The following BCKDK variants were observed in gnomAD, a reference collection of about 807,000 sequenced individuals.
BCKDK encodes the protein branched chain keto acid dehydrogenase kinase, also known as branched-chain alpha-ketoacid dehydrogenase kinase.
In BCKDK, 28 loss-of-function variants were observed where a neutral mutation model predicts 43.9. That is an observed-to-expected ratio of 0.64 (90% CI 0.47 to 0.87). The LOEUF (loss-of-function observed/expected upper bound fraction) is 0.87, where lower values mean the gene tolerates loss of function less well. Ranked by LOEUF, BCKDK falls within the 40% of genes least tolerant of loss-of-function variation. The probability of loss-of-function intolerance (pLI) is 0.00; values close to 1 mark genes in which losing one functional copy is unlikely to be tolerated. For synonymous variants in BCKDK, 257 were observed against 234.3 expected, an observed-to-expected ratio of 1.10 and a Z score of -0.88; for missense variants, 483 against 581.4, an observed-to-expected ratio of 0.83 and a Z score of 1.74.
At position 31,110,643 on chromosome 16, in the gene BCKDK, TGGGGCTAGGGGC is replaced by T. The variant is rs761806585; in HGVS notation, c.643-43_643-32del. 4.5e-5 allele frequency: 72 copies of T among 1,605,262 alleles called. No individual in the cohort carries two copies. The highest frequency in any genetic ancestry group is 3.9e-4 in the South Asian group (35 of 90,882). On this transcript the variant is annotated intron_variant, in intron 7 of 11. Coordinates refer to ENST00000219794, the MANE Select transcript of BCKDK (RefSeq NM_005881.4). This position sits in a 1 kb window ranked among gnomAD's most constrained non-coding sequence, Gnocchi z 5.4. The stretch of plus-strand genomic sequence containing the variant: ...TTCCGAAGTTGCCAGCATCTTGGGG[TGGGGCTAGGGGC>T]GTGGGTAGTCCTGACCTCCTTTCTC...
At chr16:31,115,105 T>C (rs577287876), downstream of BCKDK, among the ~76,000 whole-genome samples, 2 of 151,680 alleles carry the variant, frequency 1.3e-5, no homozygotes, top group African/African-American at 4.8e-5. Context: ...GTATTTTCAG[T>C]AGAGACGGGG....
In BCKDK at chr16:31,108,832, C is replaced by G. The variant is rs1469366378; in HGVS notation, c.-177-215C>G. On this transcript the variant is annotated intron_variant, in intron 1 of 11. Coordinates refer to ENST00000219794, the MANE Select transcript of BCKDK (RefSeq NM_005881.4). The surrounding 1 kb of genome is among the most constrained non-coding windows in gnomAD (Gnocchi z 6.2). The stretch of plus-strand genomic sequence containing the variant: ...TGGAAGGGTCTGAGGGGCTCCTCCC[C>G]CGACAGCCCTCCCACCGCCAGTAGA... 1 of 160,576 alleles carries G rather than the reference C, an allele frequency of 6.2e-6. No individual in the cohort carries two copies. Among genetic ancestry groups the G allele is most frequent in the Admixed American group, 6.4e-5 (1 of 15,736 alleles). The allele number at this position is 160,576 out of a possible 1,614,324, so 9.9% of individuals were successfully genotyped here.
chr16:31,110,189 A>T lies in BCKDK; in HGVS notation c.424-16A>T. The T allele has an allele frequency of 6.2e-7, 1 of 1,613,818 alleles. No homozygotes were observed. The highest frequency in any genetic ancestry group is 8.5e-7 in the Non-Finnish European group (1 of 1,179,934). On this transcript the variant is annotated splice_polypyrimidine_tract_variant and intron_variant, in intron 5 of 11. Transcript: ENST00000219794. The surrounding 1 kb of genome is among the most constrained non-coding windows in gnomAD (Gnocchi z 5.4). ...TGGGCTTGGACCACCCTTCCTCATG[A>T]CTCTGTGACCTGCAGATCAAGGACC... is the stretch of plus-strand genomic sequence containing the variant.
At chr16:31,116,287 A>T (rs2057445303), downstream of BCKDK, among the ~76,000 whole-genome samples, 1 of 147,054 alleles carries the variant, frequency 6.8e-6, no homozygotes, top group South Asian at 2.2e-4. Context: ...ATCTCGGCTC[A>T]CTGCAACCTC....
Position 31,109,738 on chromosome 16 carries a change from C to G in BCKDK, c.330C>G (p.Arg110=), listed in dbSNP as rs1173411124. The G allele has an allele frequency of 6.2e-7, 1 of 1,613,970 alleles. No individual in the cohort carries two copies. The highest frequency in any genetic ancestry group is 1.1e-5 in the South Asian group (1 of 91,092). The change falls in exon 4 of 12, where the codon CGC becomes CGG. Residue 110 remains arginine, a synonymous_variant. Coordinates refer to ENST00000219794, the MANE Select transcript of BCKDK (RefSeq NM_005881.4). This position sits in a 1 kb window ranked among gnomAD's most constrained non-coding sequence, Gnocchi z 5.3. Reference sequence around the variant, plus strand: ...TTGCTCACCGCATCAAGGGCTTCCGCTGCCTTCCTTTCATCATTGGCTGCA... The same window carrying G: ...TTGCTCACCGCATCAAGGGCTTCCGGTGCCTTCCTTTCATCATTGGCTGCA... The part of the protein sequence containing the change: ...VRIAHRIKGF[R]CLPFIIGCNP...
downstream of BCKDK, chr16:31,117,497 C>A: frequency 2.3e-6 from 1 of 440,210 alleles, no homozygotes; most frequent in Non-Finnish European, 3.9e-6. Context: ...AAACCAGGAG[C>A]TCCAAGACTG....
At chr16:31,114,642 T>C (rs753800209), downstream of BCKDK, among the ~76,000 whole-genome samples, 2 of 152,194 alleles carry the variant, frequency 1.3e-5, no homozygotes, top group Non-Finnish European at 2.9e-5. Context: ...CCAAAGGGAA[T>C]GTTTACTGAG....
chr16:31,114,277 C>T (rs979100459), downstream of BCKDK, among the ~76,000 whole-genome samples: 4 of 126,014 alleles, frequency 3.2e-5, no homozygotes, highest in African/African-American at 8.7e-5. Context: ...TCGCTCACTG[C>T]AACCTCCGCC....
chr16:31,115,855 G>C (rs942588923), downstream of BCKDK: 1 of 152,114 alleles, frequency 6.6e-6, no homozygotes, highest in African/African-American at 2.4e-5. Flanking sequence ...CCCGCTCTTC[G>C]TTCAATCTCC....
rs144100726 is a variant in BCKDK, at chr16:31,110,373, C to G, written c.544-28C>G. 2 of 1,613,956 alleles carry G rather than the reference C, an allele frequency of 1.2e-6. No homozygotes were observed. Among genetic ancestry groups the G allele is most frequent in the East Asian group, 4.5e-5 (2 of 44,876 alleles). Reference sequence around the variant, plus strand: ...GGGCCTGCTGGGGGTGGGAAGGGCACGGGATTCTGAGACCTCACTCTTTAC... The same window carrying G: ...GGGCCTGCTGGGGGTGGGAAGGGCAGGGGATTCTGAGACCTCACTCTTTAC... On this transcript the variant is annotated intron_variant, in intron 6 of 11. Transcript: ENST00000219794. This position sits in a 1 kb window ranked among gnomAD's most constrained non-coding sequence, Gnocchi z 5.4.
In BCKDK at chr16:31,111,896, T is replaced by A; in HGVS notation, c.963T>A (p.Ala321=). 6.2e-7 allele frequency: 1 copy of A among 1,614,116 alleles called. No individual in the cohort carries two copies. Among genetic ancestry groups the A allele is most frequent in the Non-Finnish European group, 8.5e-7 (1 of 1,179,994 alleles). ...IRISDRGGGI[A]HKDLDRVMDY... is the part of the protein sequence containing the mutation. ...TCTCAGACCGTGGTGGAGGAATCGC[T>A]CACAAAGATCTGGACCGGGTCATGG... is the stretch of plus-strand genomic sequence containing the variant. The change falls in exon 11 of 12, where the codon GCT becomes GCA. Residue 321 remains alanine (A), a synonymous_variant. Transcript: ENST00000219794.
In BCKDK at chr16:31,111,219, G is replaced by A; in HGVS notation, c.845G>A (p.Arg282Lys). 1 of 1,614,208 alleles carries A rather than the reference G, an allele frequency of 6.2e-7. No homozygotes were observed. Among genetic ancestry groups the A allele is most frequent in the Non-Finnish European group, 8.5e-7 (1 of 1,180,026 alleles). ...ILPELLKNAM[R>K]ATMESHLDTP... is the part of the protein sequence containing the mutation. Reference sequence around the variant, plus strand: ...CCGGAGCTGCTCAAGAATGCCATGAGGTGGGGTGGCTTGATGTGCTGGCTT... The same window carrying A: ...CCGGAGCTGCTCAAGAATGCCATGAAGTGGGGTGGCTTGATGTGCTGGCTT... The change falls in exon 9 of 12, where the codon AGA becomes AAA. Residue 282 changes from arginine (R) to lysine (K), a missense_variant and splice_region_variant. Coordinates refer to ENST00000219794, the MANE Select transcript of BCKDK (RefSeq NM_005881.4).
At position 31,112,531 on chromosome 16, in the gene BCKDK, C is replaced by G. The variant is rs1321268014; in HGVS notation, c.*266C>G. 2 of 588,772 alleles carry G rather than the reference C, an allele frequency of 3.4e-6. No individual in the cohort carries two copies. The highest frequency in any genetic ancestry group is 6.1e-6 in the Non-Finnish European group (2 of 329,014). 36.5% of individuals were successfully genotyped at this position (588,772 alleles called of 1,614,324 possible). A position where few individuals can be genotyped will look rare whatever the true frequency, so the allele number is the denominator to read the frequency against. On this transcript the variant is annotated 3_prime_UTR_variant, in exon 12 of 12. Transcript: ENST00000219794. The surrounding 1 kb of genome is among the most constrained non-coding windows in gnomAD (Gnocchi z 5.0). ...CATTCTCGTTCCTGGGGAACCCCCA[C>G]TCTGACCTGTTATTAAAGTTCACAT...
chr16:31,111,189 T>A lies in BCKDK; in HGVS notation c.815T>A (p.Ile272Asn). The change falls in exon 9 of 12, where the codon ATC becomes AAC. Residue 272 changes from isoleucine to asparagine, a missense_variant. Physicochemically the swap from Ile to Asn is moderately radical, Grantham distance 149. Transcript: ENST00000219794. ...TTCATCCCTATGCCACTGGACTACA[T>A]CCTGCCGGAGCTGCTCAAGAATGCC... ...FPFIPMPLDYILPELLKNAMR... is the reference protein window; with the variant it reads ...FPFIPMPLDYNLPELLKNAMR... 2 of 1,614,138 alleles carry A rather than the reference T, an allele frequency of 1.2e-6. No homozygotes were observed. The highest frequency in any genetic ancestry group is 1.7e-6 in the Non-Finnish European group (2 of 1,180,012).
rs2057404358 is a variant in BCKDK at position 31,110,700 on chromosome 16, G to A, written c.655G>A (p.Gly219Ser). Residue 219 changes from glycine (G) to serine (S), a missense_variant, in exon 8 of 12, where the codon GGC becomes AGC. Coordinates refer to ENST00000219794, the MANE Select transcript of BCKDK (RefSeq NM_005881.4). The surrounding 1 kb of genome is among the most constrained non-coding windows in gnomAD (Gnocchi z 5.4). ...TTTCTCCGGCCAGCCTGACTTTGTC[G>A]GCATCATCTGTACTCGTCTCTCACC... ...ALHEDKPDFV[G>S]IICTRLSPKK... The A allele has an allele frequency of 1.2e-6, 2 of 1,614,094 alleles. No individual in the cohort carries two copies. Among genetic ancestry groups the A allele is most frequent in the East Asian group, 2.2e-5 (1 of 44,878 alleles).
At chr16:31,117,195 C>A (rs1484033687), downstream of BCKDK, among the ~76,000 whole-genome samples, 1 of 151,564 alleles carries the variant, frequency 6.6e-6, no homozygotes, top group African/African-American at 2.4e-5. Context: ...CATGGTGAAA[C>A]CCCGTCTCTA....
At chr16:31,115,221 T>TG (rs2057439228), downstream of BCKDK, among the ~76,000 whole-genome samples, 1 of 96,372 alleles carries the variant, frequency 1.0e-5, no homozygotes. Flanking sequence ...CCGCGCCCAG[T>TG]CTTTTTTTTT....
At position 31,110,656 on chromosome 16, in the gene BCKDK, G is replaced by A. The variant is rs116079081; in HGVS notation, c.643-32G>A. The A allele has an allele frequency of 3.8e-3, 6,147 of 1,610,512 alleles. 111 individuals carry two copies. The African/African-American group carries it at 0.048, about 13-fold the overall frequency. On this transcript the variant is annotated intron_variant, in intron 7 of 11. Transcript: ENST00000219794. This position sits in a 1 kb window ranked among gnomAD's most constrained non-coding sequence, Gnocchi z 5.4. ...AGCATCTTGGGGTGGGGCTAGGGGCGTGGGTAGTCCTGACCTCCTTTCTCC... is the reference window on the plus strand; with the variant it reads ...AGCATCTTGGGGTGGGGCTAGGGGCATGGGTAGTCCTGACCTCCTTTCTCC...
Position 31,112,247 on chromosome 16 carries a change from G to T in BCKDK, c.1221G>T (p.Glu407Asp). 6.2e-7 allele frequency: 1 copy of T among 1,610,068 alleles called. No individual in the cohort carries two copies. The change falls in exon 12 of 12, where the codon GAG becomes GAT. Residue 407 changes from glutamate to aspartate, a missense_variant. Physicochemically the swap from Glu to Asp is conservative, Grantham distance 45. Coordinates refer to ENST00000219794, the MANE Select transcript of BCKDK (RefSeq NM_005881.4). This position sits in a 1 kb window ranked among gnomAD's most constrained non-coding sequence, Gnocchi z 5.0. ...YLRLRHIDGR[E>D]ESFRI ...GGCTCCGCCACATCGATGGCCGGGA[G>T]GAAAGCTTCCGGATCTGACCCCACA...
Sources: allele counts gnomAD v4.1 joint callset (sites outside exome capture counted in the v4.1 genomes callset), GRCh38; gene constraint gnomAD v4.1.1; non-coding constraint Gnocchi (gnomAD v3.1); transcripts MANE v1.5; gene names NCBI Gene and HGNC (gene_info 2026-07-23, HGNC 2026-07-21).